SH3PXD2A: variants seen among roughly 807,000 people sequenced by gnomAD.
SH3PXD2A encodes the protein SH3 and PX domain-containing protein 2A.
SH3PXD2A carries 32 observed loss-of-function variants against 115.2 expected under a neutral mutation model. That is an observed-to-expected ratio of 0.28 (90% CI 0.21 to 0.37). The LOEUF is 0.37. Ranked by LOEUF, SH3PXD2A falls within the 10% of genes least tolerant of loss-of-function variation. The probability of loss-of-function intolerance (pLI) is 1.00; values close to 1 mark genes in which losing one functional copy is unlikely to be tolerated. For synonymous variants in SH3PXD2A, 610 were observed against 629.1 expected, an observed-to-expected ratio of 0.97 and a Z score of 0.45; for missense variants, 1,328 against 1,498.7, an observed-to-expected ratio of 0.89 and a Z score of 1.88.
intron 2 of SH3PXD2A, among the ~76,000 whole-genome samples, chr10:103,788,830 T>G (rs2134248985): frequency 6.6e-6 from 1 of 152,108 alleles, no homozygotes; most frequent in Middle Eastern, 3.4e-3. Context: ...TGCAGTGAGC[T>G]GAGATCACAC....
intron 5 of SH3PXD2A, among the ~76,000 whole-genome samples, chr10:103,697,238 T>C (rs942447389): frequency 4.6e-5 from 7 of 152,054 alleles, no homozygotes; most frequent in African/African-American, 1.4e-4. Context: ...CCCCTGGGGT[T>C]TGGGGAAGAT....
At chr10:103,655,936 G>T (rs969947159) in intron 8 of SH3PXD2A, among the ~76,000 whole-genome samples, 1 of 152,132 alleles carries the variant, frequency 6.6e-6, no homozygotes, top group Non-Finnish European at 1.5e-5. Context: ...AAGTATTCAA[G>T]AATGGTGAAA....
In SH3PXD2A at chr10:103,795,269, C is replaced by T. The variant is rs1287610481; in HGVS notation, c.153+6013G>A. Among the ~76,000 whole-genome samples the T allele has an allele frequency of 4.6e-5, 7 of 152,060 alleles. No individual in the cohort carries two copies. In the East Asian group the frequency reaches 9.6e-4, roughly 21 times the overall value. On this transcript the variant is annotated intron_variant, in intron 2 of 14. Coordinates refer to ENST00000369774, the MANE Select transcript of SH3PXD2A (RefSeq NM_001394015.1). Reference sequence around the variant, plus strand: ...TTAAATAGCCACATGTGGCTAGTGGCCACCGCGTTGGACAGTACAGCTTTA... The same window carrying T: ...TTAAATAGCCACATGTGGCTAGTGGTCACCGCGTTGGACAGTACAGCTTTA...
At chr10:103,628,291 C>G (rs1244350005) in intron 8 of SH3PXD2A, among the ~76,000 whole-genome samples, 2 of 152,236 alleles carry the variant, frequency 1.3e-5, no homozygotes, top group Non-Finnish European at 2.9e-5. Flanking sequence ...CACCGCCCCA[C>G]ATGACAGGTC....
Position 103,605,915 on chromosome 10 carries a change from C to A in SH3PXD2A, c.1311G>T (p.Gly437=), listed in dbSNP as rs1197650205. The A allele has an allele frequency of 6.2e-7, 1 of 1,614,070 alleles. No homozygotes were observed. Among genetic ancestry groups the A allele is most frequent in the Admixed American group, 1.7e-5 (1 of 60,018 alleles). ...GCTCTGGTGGCTTTGGCAGTTGGAA[C>A]CCCTAAGGTTAAGGAACACACAGTG... ...RPPPRRESSL[G]FQLPKPPEPP... Residue 437 remains glycine, a splice_region_variant and synonymous_variant, in exon 14 of 15, where the codon GGG becomes GGT. Transcript: ENST00000369774.
chr10:103,842,370 A>C (rs2039609692), intron 1 of SH3PXD2A, among the ~76,000 whole-genome samples: 1 of 152,206 alleles, frequency 6.6e-6, no homozygotes, highest in Non-Finnish European at 1.5e-5. Flanking sequence ...GGGGATATCC[A>C]TCACCTCAAA....
chr10:103,819,103 G>A (rs748438980), intron 1 of SH3PXD2A, among the ~76,000 whole-genome samples: 1 of 152,178 alleles, frequency 6.6e-6, no homozygotes, highest in East Asian at 1.9e-4. Flanking sequence ...GTCCAGTCCC[G>A]TCAAGAAGGA....
At chr10:103,656,402 G>A (rs1188310617) in intron 8 of SH3PXD2A, among the ~76,000 whole-genome samples, 1 of 152,208 alleles carries the variant, frequency 6.6e-6, no homozygotes, top group Non-Finnish European at 1.5e-5. Flanking sequence ...CTCAGTTGTC[G>A]GGAGAGATCT....
chr10:103,751,198 G>A (rs950863603), intron 3 of SH3PXD2A, among the ~76,000 whole-genome samples: 3 of 152,144 alleles, frequency 2.0e-5, no homozygotes, highest in Admixed American at 2.0e-4. Flanking sequence ...AAGAATTCAC[G>A]CATGATCTTA....
intron 3 of SH3PXD2A, among the ~76,000 whole-genome samples, chr10:103,757,172 G>A (rs1250336895): frequency 1.3e-5 from 2 of 152,350 alleles, no homozygotes; most frequent in East Asian, 1.9e-4. Flanking sequence ...GTATTTCCAG[G>A]GGGAGGGAGT....
chr10:103,769,434 T>TTTCTTCTTC (rs71476606), intron 2 of SH3PXD2A, among the ~76,000 whole-genome samples: 28 of 139,900 alleles, frequency 2.0e-4, no homozygotes, highest in African/African-American at 8.0e-4. Context: ...TTTCTTTTTC[T>TTTCTTCTTC]TTCTTCTTCT....
chr10:103,655,542 G>A (rs1258182554), intron 8 of SH3PXD2A, among the ~76,000 whole-genome samples: 1 of 152,100 alleles, frequency 6.6e-6, no homozygotes, highest in East Asian at 1.9e-4. Flanking sequence ...GGAGGCCGAG[G>A]TAGGTGGATC....
At chr10:103,835,852 G>A (rs1283674446) in intron 1 of SH3PXD2A, among the ~76,000 whole-genome samples, 1 of 152,176 alleles carries the variant, frequency 6.6e-6, no homozygotes, top group Non-Finnish European at 1.5e-5. Flanking sequence ...CTTCACTGAA[G>A]CCAGAAATCA....
chr10:103,769,186 G>GCA (rs1564884565), intron 2 of SH3PXD2A, among the ~76,000 whole-genome samples: 10 of 148,948 alleles, frequency 6.7e-5, no homozygotes, highest in African/African-American at 2.5e-4. Context: ...GTGTGTGCGC[G>GCA]CGCGCGCGCA....
chr10:103,613,132 G>A lies in SH3PXD2A; in HGVS notation c.979C>T (p.Leu327=). ...GCCAGGTTCTTCTTCCGGGTTGGCA[G>A]GTCATCCTTGGCCTTCTTCAGGTAG... ...ASYLKKAKDD[L]PTRKKNLAGP... The change falls in exon 12 of 15, where the codon CTG becomes TTG. Residue 327 remains leucine, a synonymous_variant. Coordinates refer to ENST00000369774, the MANE Select transcript of SH3PXD2A (RefSeq NM_001394015.1). 6.2e-7 allele frequency: 1 copy of A among 1,613,582 alleles called. No homozygotes were observed. Among genetic ancestry groups the A allele is most frequent in the Non-Finnish European group, 8.5e-7 (1 of 1,179,788 alleles).
rs1173413321 is a variant in SH3PXD2A at position 103,600,429 on chromosome 10, A to AG, written c.*1386dup. The AG allele has an allele frequency of 6.6e-6, 1 of 152,268 alleles. No individual in the cohort carries two copies. The highest frequency in any genetic ancestry group is 3.4e-3 in the Middle Eastern group (1 of 294). 9.4% of individuals were successfully genotyped at this position (152,268 alleles called of 1,614,324 possible). A position where few individuals can be genotyped will look rare whatever the true frequency, so the allele number is the denominator to read the frequency against. On this transcript the variant is annotated 3_prime_UTR_variant, in exon 15 of 15. Coordinates refer to ENST00000369774, the MANE Select transcript of SH3PXD2A (RefSeq NM_001394015.1). ...ACCTGTGGCATTGCCAGCAGGCCAG[A>AG]GGGGGTGGCTGGCGGTGTTGGCTCC...
intron 7 of SH3PXD2A, among the ~76,000 whole-genome samples, chr10:103,664,920 G>A (rs1040400268): frequency 6.6e-6 from 1 of 152,024 alleles, no homozygotes; most frequent in African/African-American, 2.4e-5. Flanking sequence ...TGATCTGCCC[G>A]CCTTGGCCTC....
intron 9 of SH3PXD2A, among the ~76,000 whole-genome samples, chr10:103,626,226 G>A (rs1394095609): frequency 1.3e-5 from 2 of 152,282 alleles, no homozygotes; most frequent in Non-Finnish European, 2.9e-5. Flanking sequence ...GACATTTAGG[G>A]GAAGAATGAA....
At chr10:103,659,618 G>A (rs372798415) in intron 8 of SH3PXD2A, among the ~76,000 whole-genome samples, 4 of 152,208 alleles carry the variant, frequency 2.6e-5, no homozygotes, top group Non-Finnish European at 5.9e-5. Context: ...CACCTGGGAC[G>A]AAAGGTTGAG....
Sources: gnomAD v4.1 joint callset for allele counts (sites outside exome capture counted in the v4.1 genomes callset) on GRCh38, gnomAD v4.1.1 for gene constraint, MANE v1.5 for transcripts, NCBI Gene and HGNC (gene_info 2026-07-23, HGNC 2026-07-21) for gene names.